PTPRO: variants seen among roughly 807,000 people sequenced by gnomAD.
PTPRO encodes receptor-type tyrosine-protein phosphatase O.
A neutral mutation model predicts 145.2 loss-of-function variants in PTPRO; 62 were observed. The observed-to-expected ratio is 0.43, with a 90% confidence interval of 0.35 to 0.53. The LOEUF (loss-of-function observed/expected upper bound fraction) is 0.53, where lower values mean the gene tolerates loss of function less well. Ranked by LOEUF, PTPRO falls within the 20% of genes least tolerant of loss-of-function variation. The probability of loss-of-function intolerance (pLI) is 0.01; values close to 1 mark genes in which losing one functional copy is unlikely to be tolerated. For synonymous variants in PTPRO, 565 were observed against 514.7 expected (o/e 1.10, Z -1.32); for missense variants, 1,345 against 1,482.7 (o/e 0.91, Z 1.53).
chr12:15,538,689 C>T (rs1943117220), intron 12 of PTPRO, among the ~76,000 whole-genome samples: 1 of 152,242 alleles, frequency 6.6e-6, no homozygotes, highest in South Asian at 2.1e-4. Context: ...AGTGCCCACT[C>T]TGGAAAAGTT....
At chr12:15,489,135 A>G (rs1056339663) in intron 2 of PTPRO, among the ~76,000 whole-genome samples, 1 of 152,228 alleles carries the variant, frequency 6.6e-6, no homozygotes, top group African/African-American at 2.4e-5. Context: ...ATAAAGATAG[A>G]TAAAAATACT....
chr12:15,590,045 T>C (rs1481654811), intron 25 of PTPRO, among the ~76,000 whole-genome samples: 3 of 152,212 alleles, frequency 2.0e-5, no homozygotes, highest in African/African-American at 4.8e-5. Context: ...GGATTTGAGC[T>C]TTCTGTCCCT....
chr12:15,400,503 T>C (rs528331662), intron 1 of PTPRO, among the ~76,000 whole-genome samples: 6 of 152,306 alleles, frequency 3.9e-5, no homozygotes, highest in African/African-American at 1.4e-4. Flanking sequence ...GAACATGCTC[T>C]CCTTTCCCCA....
At chr12:15,347,656 T>C (rs1194045658) in intron 1 of PTPRO, among the ~76,000 whole-genome samples, 1 of 152,192 alleles carries the variant, frequency 6.6e-6, no homozygotes, top group Non-Finnish European at 1.5e-5. Flanking sequence ...TGTATTTGTA[T>C]ACAAAAGATA....
At chr12:15,403,386 C>A (rs1277381214) in intron 1 of PTPRO, among the ~76,000 whole-genome samples, 1 of 152,086 alleles carries the variant, frequency 6.6e-6, no homozygotes, top group African/African-American at 2.4e-5. Context: ...AGTTCGAGAC[C>A]AGCCTGGCCA....
intron 1 of PTPRO, among the ~76,000 whole-genome samples, chr12:15,329,554 G>T (rs1266135317): frequency 6.6e-6 from 1 of 152,138 alleles, no homozygotes; most frequent in South Asian, 2.1e-4. Context: ...ATGCCAAAAT[G>T]GAAAGATTGA....
chr12:15,417,266 A>C (rs1352107534), intron 1 of PTPRO, among the ~76,000 whole-genome samples: 2 of 151,792 alleles, frequency 1.3e-5, no homozygotes, highest in Non-Finnish European at 2.9e-5. Context: ...TGATAAGCCC[A>C]TCATAAAGTC....
intron 2 of PTPRO, among the ~76,000 whole-genome samples, chr12:15,496,142 G>GTTTTTTTTT (rs71042255): frequency 2.7e-5 from 2 of 75,364 alleles, no homozygotes; most frequent in Admixed American, 1.9e-4. Context: ...TTCTTTTTTT[G>GTTTTTTTTT]TTTTTTTTTT....
chr12:15,478,268 T>A (rs893454171), intron 1 of PTPRO, among the ~76,000 whole-genome samples: 2 of 152,126 alleles, frequency 1.3e-5, no homozygotes, highest in African/African-American at 4.8e-5. Context: ...GGAAAAGAGA[T>A]CAAGCATCTA....
intron 1 of PTPRO, among the ~76,000 whole-genome samples, chr12:15,360,635 G>C (rs1268049279): frequency 6.6e-6 from 1 of 151,290 alleles, no homozygotes; most frequent in Non-Finnish European, 1.5e-5. Context: ...ATATATGTGT[G>C]TGTGTATATA....
chr12:15,585,075 A>G (rs1434662944), intron 23 of PTPRO, among the ~76,000 whole-genome samples: 1 of 152,226 alleles, frequency 6.6e-6, no homozygotes, highest in Non-Finnish European at 1.5e-5. Context: ...CCTGCCGTGT[A>G]GCTGCGGAGA....
At chr12:15,444,073 G>T (rs1488208032) in intron 1 of PTPRO, among the ~76,000 whole-genome samples, 1 of 151,836 alleles carries the variant, frequency 6.6e-6, no homozygotes, top group Non-Finnish European at 1.5e-5. Context: ...ACAACATCAA[G>T]GAATCAACCT....
chr12:15,502,937 C>T (rs1223056993), intron 5 of PTPRO, among the ~76,000 whole-genome samples: 1 of 151,958 alleles, frequency 6.6e-6, no homozygotes, highest in Non-Finnish European at 1.5e-5. Context: ...CCCATGTAGT[C>T]TCATATACTG....
At chr12:15,468,446 T>C (rs1396486856) in intron 1 of PTPRO, among the ~76,000 whole-genome samples, 2 of 152,186 alleles carry the variant, frequency 1.3e-5, no homozygotes. Context: ...CTCATCCACA[T>C]TGTGCTTTCT....
intron 1 of PTPRO, among the ~76,000 whole-genome samples, chr12:15,408,060 T>C (rs1939695825): frequency 6.6e-6 from 1 of 152,142 alleles, no homozygotes; most frequent in African/African-American, 2.4e-5. Context: ...GTCTCTAGGA[T>C]TGAGATACTA....
chr12:15,448,262 C>T (rs1743327843), intron 1 of PTPRO, among the ~76,000 whole-genome samples: 1 of 140,364 alleles, frequency 7.1e-6, no homozygotes, highest in Middle Eastern at 4.2e-3. Flanking sequence ...GGAACTTTCC[C>T]TATGGAATCT....
At chr12:15,435,809 C>G (rs1014841180) in intron 1 of PTPRO, among the ~76,000 whole-genome samples, 1 of 152,196 alleles carries the variant, frequency 6.6e-6, no homozygotes, top group Admixed American at 6.5e-5. Flanking sequence ...CTAACACATA[C>G]TCCTCCAAAT....
At chr12:15,422,864 A>C (rs1940184637) in intron 1 of PTPRO, among the ~76,000 whole-genome samples, 1 of 152,224 alleles carries the variant, frequency 6.6e-6, no homozygotes, top group African/African-American at 2.4e-5. Flanking sequence ...TAAAGATGTG[A>C]GACCCATGTC....
At chr12:15,392,147 T>C (rs1398004458) in intron 1 of PTPRO, among the ~76,000 whole-genome samples, 2 of 152,114 alleles carry the variant, frequency 1.3e-5, no homozygotes, top group African/African-American at 4.8e-5. Flanking sequence ...CTGAGAAAAT[T>C]TAGTGTAAGA....
Sources: gnomAD v4.1 joint callset for allele counts (sites outside exome capture counted in the v4.1 genomes callset) on GRCh38, gnomAD v4.1.1 for gene constraint, MANE v1.5 for transcripts, NCBI Gene and HGNC (gene_info 2026-07-23, HGNC 2026-07-21) for gene names.